Variants in CNTN5 observed in about 807,000 individuals in gnomAD.
The protein encoded by CNTN5 is contactin-5.
In CNTN5, 77 loss-of-function variants were observed where a neutral mutation model predicts 129.1. The ratio of observed to expected loss-of-function variants is 0.60; its 90% CI spans 0.50 to 0.72. The LOEUF (loss-of-function observed/expected upper bound fraction) is 0.72. Among genes scored for constraint, CNTN5 ranks in the 30% least tolerant of loss-of-function variants. The pLI is 0.00. For synonymous variants in CNTN5, 509 were observed against 465.6 expected (o/e 1.09, Z -1.20); for missense variants, 1,478 against 1,328.8 (o/e 1.11, Z -1.75).
intron 16 of CNTN5, among the ~76,000 whole-genome samples, chr11:100,253,412 T>C (rs1380511910): frequency 6.6e-6 from 1 of 152,180 alleles, no homozygotes; most frequent in Non-Finnish European, 1.5e-5. Flanking sequence ...TTTATTATTA[T>C]TTATTAACTA....
At chr11:99,529,036 T>C (rs910447112) in intron 2 of CNTN5, among the ~76,000 whole-genome samples, 4 of 152,064 alleles carry the variant, frequency 2.6e-5, no homozygotes, top group South Asian at 2.1e-4. Context: ...GATTGTGCCA[T>C]TGCACTCCAG....
At chr11:99,470,066 T>C (rs1245294158) in intron 2 of CNTN5, among the ~76,000 whole-genome samples, 1 of 152,172 alleles carries the variant, frequency 6.6e-6, no homozygotes, top group Non-Finnish European at 1.5e-5. Flanking sequence ...GAATTCAGAA[T>C]TGTAACCTGG....
In CNTN5 at chr11:99,067,553, T is replaced by A. The variant is rs1865153711; in HGVS notation, c.-210+46283T>A. On this transcript the variant is annotated intron_variant, in intron 1 of 24. Transcript: ENST00000524871. ...CGAAGAGATATGTAGGAAAGTGCCA[T>A]GTACAGTAAGAATAAATGGTATGGG... Among the ~76,000 whole-genome samples, 4 of 152,006 alleles carry A rather than the reference T, an allele frequency of 2.6e-5. No individual in the cohort carries two copies. The South Asian group carries it at 8.3e-4, about 31-fold the overall frequency.
At chr11:99,826,433 G>T (rs1360217075) in intron 4 of CNTN5, among the ~76,000 whole-genome samples, 1 of 152,096 alleles carries the variant, frequency 6.6e-6, no homozygotes, top group African/African-American at 2.4e-5. Flanking sequence ...CACAGAAACA[G>T]ACACACATAC....
Position 99,519,595 on chromosome 11 carries a change from T to C in CNTN5, c.-70-36550T>C, listed in dbSNP as rs1452665278. ...TCTTCCTTCTAATTATGCTCTCATT[T>C]ATAATACATGTTCACAGTATTATTT... On this transcript the variant is annotated intron_variant, in intron 2 of 24. Transcript: ENST00000524871. Among the ~76,000 whole-genome samples the C allele has an allele frequency of 5.9e-5, 9 of 152,236 alleles. No individual in the cohort carries two copies. In the East Asian group the frequency reaches 1.7e-3, roughly 29 times the overall value.
intron 2 of CNTN5, among the ~76,000 whole-genome samples, chr11:99,551,500 G>T (rs1193778176): frequency 6.6e-6 from 1 of 152,110 alleles, no homozygotes; most frequent in Admixed American, 6.6e-5. Flanking sequence ...TAGGTAAAGT[G>T]CTTAACACAA....
At chr11:100,278,668 T>A (rs189262348) in intron 18 of CNTN5, among the ~76,000 whole-genome samples, 11 of 152,088 alleles carry the variant, frequency 7.2e-5, no homozygotes, top group Non-Finnish European at 1.0e-4. Flanking sequence ...TCCTGAAAAT[T>A]TACTAAATTT....
chr11:99,447,896 G>A (rs1455727427), intron 2 of CNTN5, among the ~76,000 whole-genome samples: 2 of 152,114 alleles, frequency 1.3e-5, no homozygotes, highest in East Asian at 1.9e-4. Flanking sequence ...TTGCACTCCT[G>A]CCTGGGTAAC....
At chr11:100,130,177 G>A (rs1946329092) in intron 13 of CNTN5, among the ~76,000 whole-genome samples, 1 of 151,996 alleles carries the variant, frequency 6.6e-6, no homozygotes, top group African/African-American at 2.4e-5. Context: ...AAAGACAAAG[G>A]TAAAACTTAA....
At chr11:99,222,848 A>G (rs2135706799) in intron 1 of CNTN5, among the ~76,000 whole-genome samples, 2 of 152,116 alleles carry the variant, frequency 1.3e-5, no homozygotes, top group Middle Eastern at 3.4e-3. Flanking sequence ...AACTGTTTTG[A>G]TTGATTTAAG....
At chr11:99,518,695 A>T (rs1373433347) in intron 2 of CNTN5, among the ~76,000 whole-genome samples, 1 of 152,136 alleles carries the variant, frequency 6.6e-6, no homozygotes, top group African/African-American at 2.4e-5. Flanking sequence ...ATAAATGACA[A>T]GATCTTCCAT....
At chr11:99,662,875 A>T (rs891757284) in intron 3 of CNTN5, among the ~76,000 whole-genome samples, 5 of 152,202 alleles carry the variant, frequency 3.3e-5, no homozygotes, top group Admixed American at 6.5e-5. Flanking sequence ...CATGTACATT[A>T]TAATTTGAGA....
In CNTN5 at chr11:100,264,425, C is replaced by T. The variant is rs565591526; in HGVS notation, c.2165-6667C>T. ...GACCCCAGTATGTGTTGTTTCTCTCCCTGTGTCCATGTGTCCTCATTTTTC... is the reference window on the plus strand; with the variant it reads ...GACCCCAGTATGTGTTGTTTCTCTCTCTGTGTCCATGTGTCCTCATTTTTC... On this transcript the variant is annotated intron_variant, in intron 17 of 24. Transcript: ENST00000524871. 3.3e-5 allele frequency among the ~76,000 whole-genome samples: 5 copies of T among 152,172 alleles called. No individual in the cohort carries two copies. In the South Asian group the frequency reaches 1.0e-3, roughly 32 times the overall value.
chr11:99,735,414 C>A (rs1432347958), intron 3 of CNTN5, among the ~76,000 whole-genome samples: 1 of 152,178 alleles, frequency 6.6e-6, no homozygotes, highest in African/African-American at 2.4e-5. Flanking sequence ...TACAGCAACA[C>A]ATAGACTATT....
At chr11:100,061,697 T>C (rs1398366223) in intron 10 of CNTN5, among the ~76,000 whole-genome samples, 2 of 152,190 alleles carry the variant, frequency 1.3e-5, no homozygotes, top group Non-Finnish European at 2.9e-5. Flanking sequence ...GGAAAACTTA[T>C]TAACTTATTC....
intron 4 of CNTN5, among the ~76,000 whole-genome samples, chr11:99,841,717 T>G (rs1185687570): frequency 1.3e-5 from 2 of 149,890 alleles, no homozygotes; most frequent in African/African-American, 4.9e-5. Flanking sequence ...GAAATAATAG[T>G]CATGGTAGTA....
chr11:100,173,012 G>T (rs1449138137), intron 13 of CNTN5, among the ~76,000 whole-genome samples: 1 of 151,982 alleles, frequency 6.6e-6, no homozygotes, highest in African/African-American at 2.4e-5. Context: ...TCTCAAATAA[G>T]GTAGGGGAGG....
At chr11:99,912,672 A>G (rs116137817) in intron 6 of CNTN5, among the ~76,000 whole-genome samples, 1,584 of 138,030 alleles carry the variant, frequency 0.011, 27 homozygotes, top group African/African-American at 0.042. Flanking sequence ...TAGTTCTTCT[A>G]GGATGAATAG....
chr11:99,794,414 T>G (rs578009672), intron 3 of CNTN5, among the ~76,000 whole-genome samples: 1 of 152,308 alleles, frequency 6.6e-6, no homozygotes, highest in African/African-American at 2.4e-5. Flanking sequence ...GCATTTTGCC[T>G]GTTTACATTC....
Sources: allele counts gnomAD v4.1 joint callset (sites outside exome capture counted in the v4.1 genomes callset), GRCh38; gene constraint gnomAD v4.1.1; transcripts MANE v1.5; gene names NCBI Gene and HGNC (gene_info 2026-07-23, HGNC 2026-07-21).